The following COL19A1 variants were observed in gnomAD, a reference collection of about 807,000 sequenced individuals.
The protein encoded by COL19A1 is collagen type XIX alpha 1 chain, also known as collagen alpha-1(XIX) chain.
COL19A1 carries 159 observed loss-of-function variants against 190.2 expected under a neutral mutation model. That is an observed-to-expected ratio of 0.84 (90% CI 0.73 to 0.95). The LOEUF is 0.95. Ranked by LOEUF, COL19A1 falls within the 40% of genes least tolerant of loss-of-function variation. The probability of loss-of-function intolerance (pLI) is 0.00; values close to 1 mark genes in which losing one functional copy is unlikely to be tolerated. For missense variants in COL19A1, 1,418 were observed against 1,431.9 expected (o/e 0.99, Z 0.16); for synonymous variants, 509 against 458.9 (o/e 1.11, Z -1.39).
chr6:70,099,646 G>T (rs1438029248), intron 15 of COL19A1, among the ~76,000 whole-genome samples: 1 of 152,114 alleles, frequency 6.6e-6, no homozygotes, highest in Non-Finnish European at 1.5e-5. Context: ...AAAGGTAACT[G>T]CACTGCTTTG....
chr6:70,141,028 T>A, intron 20 of COL19A1, 39 bp downstream of exon 20: 3 of 1,557,788 alleles, frequency 1.9e-6, no homozygotes, highest in Non-Finnish European at 2.6e-6. Flanking sequence ...GTTTTCTACT[T>A]CATTGATTTG....
intron 14 of COL19A1, among the ~76,000 whole-genome samples, chr6:70,063,698 T>C (rs1297497447): frequency 6.6e-6 from 1 of 151,986 alleles, no homozygotes; most frequent in Non-Finnish European, 1.5e-5. Flanking sequence ...CAGGAGCTGG[T>C]TTTTTGAAAA....
intron 25 of COL19A1, among the ~76,000 whole-genome samples, chr6:70,146,091 T>C (rs1359144186): frequency 6.6e-6 from 1 of 152,146 alleles, no homozygotes; most frequent in East Asian, 1.9e-4. Context: ...ATACAACATT[T>C]TGCATATGAT....
At chr6:69,874,190 C>T (rs1767997327) in intron 1 of COL19A1, among the ~76,000 whole-genome samples, 1 of 152,056 alleles carries the variant, frequency 6.6e-6, no homozygotes, top group Non-Finnish European at 1.5e-5. Flanking sequence ...CCGCAGGTGT[C>T]AGGGAATGGT....
At chr6:69,959,021 G>C (rs1182400322) in intron 9 of COL19A1, among the ~76,000 whole-genome samples, 1 of 152,110 alleles carries the variant, frequency 6.6e-6, no homozygotes, top group African/African-American at 2.4e-5. Context: ...AGCGTATTTT[G>C]AGCTGTCTAA....
At chr6:70,078,102 C>G (rs1218598307) in intron 15 of COL19A1, among the ~76,000 whole-genome samples, 1 of 152,010 alleles carries the variant, frequency 6.6e-6, no homozygotes, top group Non-Finnish European at 1.5e-5. Flanking sequence ...AAATAAAAAT[C>G]TCTACACTGA....
Position 70,188,167 on chromosome 6 carries a change from T to C in COL19A1, c.2949T>C (p.Gly983=), listed in dbSNP as rs771197075. Residue 983 remains glycine, a synonymous_variant, in exon 47 of 51, where the codon GGT becomes GGC. Transcript: ENST00000620364. ...TGAAGGGGGCCATCGGTCCTATGGG[T>C]CCACCAGGAAACAAGGGCTCCATGG... is the stretch of plus-strand genomic sequence containing the variant. ...TGMKGAIGPM[G]PPGNKGSMGS... is the part of the protein sequence containing the mutation. 6.8e-6 allele frequency: 11 copies of C among 1,613,872 alleles called. No homozygotes were observed. Among genetic ancestry groups the C allele is most frequent in the Non-Finnish European group, 9.3e-6 (11 of 1,179,884 alleles).
chr6:70,181,971 A>G (rs11753364), intron 44 of COL19A1, among the ~76,000 whole-genome samples: 2,209 of 152,302 alleles, frequency 0.015, 82 homozygotes, highest in East Asian at 0.13. Context: ...GACCATGAAG[A>G]ACTTCCAAGC....
rs975323078 is a variant in COL19A1, at chr6:70,103,699, A to G, written c.1278+1477A>G. On this transcript the variant is annotated intron_variant, in intron 16 of 50. Transcript: ENST00000620364. ...ATGACTCAGCTCAAACATTTCTCCTATAGAAGCTTTGCCAGTGCTCTCAGC... is the reference window on the plus strand; with the variant it reads ...ATGACTCAGCTCAAACATTTCTCCTGTAGAAGCTTTGCCAGTGCTCTCAGC... 3.3e-5 allele frequency among the ~76,000 whole-genome samples: 5 copies of G among 152,094 alleles called. No individual in the cohort carries two copies. The South Asian group carries it at 8.3e-4, about 25-fold the overall frequency.
chr6:70,144,758 T>A (rs1786501377), intron 24 of COL19A1, among the ~76,000 whole-genome samples, 160 bp from the exon 25 acceptor site: 1 of 152,130 alleles, frequency 6.6e-6, no homozygotes, highest in African/African-American at 2.4e-5. Context: ...AGGTACTCAA[T>A]AAATATTATT....
chr6:69,963,999 G>A (rs2150048021), intron 11 of COL19A1, among the ~76,000 whole-genome samples: 1 of 152,230 alleles, frequency 6.6e-6, no homozygotes, highest in East Asian at 1.9e-4. Context: ...AACAAAAACA[G>A]TACCATTCTT....
rs998104551 is a variant in COL19A1 at position 70,118,164 on chromosome 6, C to T, written c.1279-3716C>T. ...GATAGACAACTCTTGCTAAACTTGG[C>T]GACAACTCCTTGGATCTTCTCCAGC... On this transcript the variant is annotated intron_variant, in intron 16 of 50. Coordinates refer to ENST00000620364, the MANE Select transcript of COL19A1 (RefSeq NM_001858.6). Among the ~76,000 whole-genome samples, 6 of 152,242 alleles carry T rather than the reference C, an allele frequency of 3.9e-5. No individual in the cohort carries two copies. The East Asian group carries it at 9.7e-4, about 25-fold the overall frequency.
intron 11 of COL19A1, among the ~76,000 whole-genome samples, chr6:69,992,358 G>C (rs1776672982): frequency 6.6e-6 from 1 of 151,894 alleles, no homozygotes; most frequent in South Asian, 2.1e-4. Context: ...GATTGCTTTG[G>C]CTACCAAGGC....
chr6:70,191,688 A>G (rs1766882892), intron 48 of COL19A1, among the ~76,000 whole-genome samples: 1 of 152,218 alleles, frequency 6.6e-6, no homozygotes, highest in Non-Finnish European at 1.5e-5. Context: ...ATTTTGACAA[A>G]TGGTTTGCTA....
At chr6:70,168,619 T>C in intron 39 of COL19A1, 36 bp from the exon 40 acceptor site, 3 of 1,609,412 alleles carry the variant, frequency 1.9e-6, no homozygotes, top group Admixed American at 1.7e-5. Flanking sequence ...GCTTTGGTCA[T>C]TATTTGAAAA....
chr6:69,976,239 C>T (rs557243323), intron 11 of COL19A1, among the ~76,000 whole-genome samples: 2 of 152,256 alleles, frequency 1.3e-5, no homozygotes, highest in Admixed American at 6.5e-5. Flanking sequence ...CCTATCTTAA[C>T]GTCTGTCTTG....
At chr6:69,904,520 CCTAA>C (rs1373970859) in intron 4 of COL19A1, among the ~76,000 whole-genome samples, 1 of 152,206 alleles carries the variant, frequency 6.6e-6, no homozygotes, top group Non-Finnish European at 1.5e-5. Context: ...GACACTGTTA[CCTAA>C]CTCTCACAAC....
chr6:70,005,641 C>T (rs1034786330), intron 11 of COL19A1, among the ~76,000 whole-genome samples: 14 of 152,124 alleles, frequency 9.2e-5, no homozygotes, highest in African/African-American at 3.4e-4. Context: ...AGTTGGGTGG[C>T]ATCGGGAACA....
chr6:69,904,165 G>A (rs1176369149), intron 4 of COL19A1, among the ~76,000 whole-genome samples: 2 of 152,212 alleles, frequency 1.3e-5, no homozygotes, highest in Non-Finnish European at 2.9e-5. Flanking sequence ...GGGAGGGAAA[G>A]CGTTCATCAT....
Sources: allele counts gnomAD v4.1 joint callset (sites outside exome capture counted in the v4.1 genomes callset), GRCh38; gene constraint gnomAD v4.1.1; transcripts MANE v1.5; gene names NCBI Gene and HGNC (gene_info 2026-07-23, HGNC 2026-07-21).